The following TRPM7 variants were observed in gnomAD, a reference collection of about 807,000 sequenced individuals.
TRPM7 encodes transient receptor potential cation channel subfamily M member 7, also known as LTRPC ion channel family member 7.
TRPM7 carries 134 observed loss-of-function variants against 229.7 expected under a neutral mutation model. The observed-to-expected ratio is 0.58, with a 90% CI of 0.51 to 0.67. The LOEUF is 0.67. TRPM7 is among the 30% of genes least tolerant of loss of function. The pLI, the probability that TRPM7 is intolerant of heterozygous loss-of-function variation, is 0.00. For missense variants in TRPM7, 1,901 were observed against 2,210.0 expected (o/e 0.86, Z 2.80); for synonymous variants, 699 against 715.2 (o/e 0.98, Z 0.36).
At chr15:50,682,173 C>CAAAAAAAAAAAAA (rs34590459) in intron 1 of TRPM7, among the ~76,000 whole-genome samples, 1,967 of 63,266 alleles carry the variant, frequency 0.031, 193 homozygotes, top group Middle Eastern at 0.054. Flanking sequence ...AACTCAGTCT[C>CAAAAAAAAAAAAA]AAAAAAAAAA....
At chr15:50,663,180 G>C in intron 1 of TRPM7, 134 bp from the exon 2 acceptor site, 1 of 650,072 alleles carries the variant, frequency 1.5e-6, no homozygotes, top group Non-Finnish European at 2.6e-6. Context: ...CCAGACTGGA[G>C]AGCAATGGTG....
Position 50,648,772 on chromosome 15 carries a change from G to C in TRPM7, c.236C>G (p.Ser79Cys). 1 of 1,613,586 alleles carries C rather than the reference G, an allele frequency of 6.2e-7. No homozygotes were observed. Among genetic ancestry groups the C allele is most frequent in the Non-Finnish European group, 8.5e-7 (1 of 1,179,732 alleles). ...DHFNQAIEEWSVEKHTEQSPT... is the reference protein window; with the variant it reads ...DHFNQAIEEWCVEKHTEQSPT... ...GCTCTGTTCTGTATGCTTTTCCACA[G>C]ACCATTCTTCTATTGCCTGATTAAA... The change falls in exon 4 of 39, where the codon TCT (serine) becomes TGT (cysteine). Residue 79 changes from serine to cysteine, a missense_variant. Physicochemically the swap from Ser to Cys is moderately radical, Grantham distance 112. Coordinates refer to ENST00000646667, the MANE Select transcript of TRPM7 (RefSeq NM_017672.6).
intron 1 of TRPM7, among the ~76,000 whole-genome samples, chr15:50,669,252 G>C (rs113458903): frequency 0.036 from 5,466 of 150,460 alleles, 144 homozygotes; most frequent in Middle Eastern, 0.062. Context: ...GACCAGCCTG[G>C]CCAAGACCTC....
intron 22 of TRPM7, among the ~76,000 whole-genome samples, chr15:50,597,167 T>A (rs2059655636): frequency 6.6e-6 from 1 of 152,150 alleles, no homozygotes; most frequent in Non-Finnish European, 1.5e-5. Context: ...CGTGATTAGA[T>A]TTGAATTCCT....
intron 28 of TRPM7, among the ~76,000 whole-genome samples, chr15:50,585,206 C>G (rs28380412): frequency 1.3e-5 from 2 of 152,014 alleles, no homozygotes; most frequent in Non-Finnish European, 2.9e-5. Context: ...GGACTACAGG[C>G]GCCCGCCACC....
intron 1 of TRPM7, among the ~76,000 whole-genome samples, chr15:50,668,292 T>A (rs1396546772): frequency 2.6e-5 from 4 of 152,354 alleles, no homozygotes; most frequent in African/African-American, 9.6e-5. Context: ...TGGACTGAAT[T>A]AATGTAAGAC....
chr15:50,634,187 G>A (rs1416146425), intron 8 of TRPM7, among the ~76,000 whole-genome samples, 195 bp downstream of exon 8: 4 of 152,212 alleles, frequency 2.6e-5, no homozygotes, highest in African/African-American at 7.2e-5. Flanking sequence ...CAGACGTGGT[G>A]GCTCATGCAT....
intron 17 of TRPM7, 26 bp from the exon 18 acceptor site, chr15:50,609,987 C>A: frequency 1.3e-6 from 2 of 1,483,812 alleles, no homozygotes; most frequent in Non-Finnish European, 9.1e-7. Flanking sequence ...CATAATTTTG[C>A]ATTTAAAAAT....
At chr15:50,655,136 A>T (rs535307264) in intron 3 of TRPM7, among the ~76,000 whole-genome samples, 1 of 27,706 alleles carries the variant, frequency 3.6e-5, no homozygotes, top group South Asian at 1.2e-3. Context: ...AAAGTTAATT[A>T]AAAAAAAAAA....
chr15:50,684,748 A>G (rs930638734), intron 1 of TRPM7, among the ~76,000 whole-genome samples: 1 of 152,192 alleles, frequency 6.6e-6, no homozygotes, highest in Non-Finnish European at 1.5e-5. Context: ...CTACAAGGCA[A>G]ATGATGGGTT....
chr15:50,629,813 A>AAAG (rs1276138229), intron 10 of TRPM7, among the ~76,000 whole-genome samples: 1 of 151,990 alleles, frequency 6.6e-6, no homozygotes, highest in Non-Finnish European at 1.5e-5. Context: ...AATACACAGA[A>AAAG]AAGTACATGG....
chr15:50,592,064 T>C lies in TRPM7; in HGVS notation c.4171A>G (p.Ile1391Val). 6.2e-7 allele frequency: 1 copy of C among 1,613,254 alleles called. No homozygotes were observed. The highest frequency in any genetic ancestry group is 8.5e-7 in the Non-Finnish European group (1 of 1,179,776). Residue 1391 changes from isoleucine to valine, a missense_variant, in exon 26 of 39, where the codon ATA becomes GTA. Physicochemically the swap from Ile to Val is conservative, Grantham distance 29. Transcript: ENST00000646667. Reference sequence around the variant, plus strand: ...GTTGGTGGGGATGACAGATGTGGTATGCTAGTAGATGAACTGCCTAATTTT... The same window carrying C: ...GTTGGTGGGGATGACAGATGTGGTACGCTAGTAGATGAACTGCCTAATTTT... ...NQKLGSSSTS[I>V]PHLSSPPTKF...
chr15:50,646,205 A>G (rs1375514761), intron 4 of TRPM7, among the ~76,000 whole-genome samples: 1 of 151,908 alleles, frequency 6.6e-6, no homozygotes, highest in Non-Finnish European at 1.5e-5. Flanking sequence ...AGAGATGATG[A>G]GCTCACTGTT....
intron 3 of TRPM7, among the ~76,000 whole-genome samples, chr15:50,652,525 CAA>C (rs71127103): frequency 0.017 from 2,236 of 128,036 alleles, 55 homozygotes; most frequent in African/African-American, 0.06. Context: ...GACTCTGTCT[CAA>C]AAAAAAAAAA....
At chr15:50,606,294 G>A (rs1006199107) in intron 20 of TRPM7, among the ~76,000 whole-genome samples, 2 of 151,886 alleles carry the variant, frequency 1.3e-5, no homozygotes, top group African/African-American at 4.8e-5. Flanking sequence ...CAGGAGAATC[G>A]CTTGAACCCG....
chr15:50,576,005 T>C (rs1374905744), intron 31 of TRPM7, 86 bp from the exon 32 acceptor site: 6 of 1,377,040 alleles, frequency 4.4e-6, no homozygotes, highest in Non-Finnish European at 6.0e-6. Context: ...TAAAATCATT[T>C]TGAATTTCCA....
At chr15:50,671,405 T>G (rs2061984544) in intron 1 of TRPM7, among the ~76,000 whole-genome samples, 1 of 152,176 alleles carries the variant, frequency 6.6e-6, no homozygotes, top group Non-Finnish European at 1.5e-5. Context: ...TAAGATTGAA[T>G]GATATTCCTT....
intron 23 of TRPM7, 41 bp from the exon 24 acceptor site, chr15:50,594,654 T>C: frequency 7.3e-7 from 1 of 1,372,412 alleles, no homozygotes; most frequent in African/African-American, 1.5e-5. Context: ...ACTTTGTTAA[T>C]CATCTCTTAA....
chr15:50,572,080 C>T (rs2141485627), intron 36 of TRPM7, among the ~76,000 whole-genome samples: 1 of 152,240 alleles, frequency 6.6e-6, no homozygotes, highest in East Asian at 1.9e-4. Flanking sequence ...GCCAGGAGTT[C>T]AAGACTAGCC....
Sources: allele counts gnomAD v4.1 joint callset (sites outside exome capture counted in the v4.1 genomes callset), GRCh38; gene constraint gnomAD v4.1.1; transcripts MANE v1.5; gene names NCBI Gene and HGNC (gene_info 2026-07-23, HGNC 2026-07-21).